RPS17: variants seen among roughly 807,000 people sequenced by gnomAD.
The protein encoded by RPS17 is ribosomal protein S17.
For missense variants in RPS17, 68 were observed against 182.3 expected, an observed-to-expected ratio of 0.37 and a Z score of 3.61; for synonymous variants, 75 against 65.6, an observed-to-expected ratio of 1.14 and a Z score of -0.70.
chr15:82,540,416 A>C lies in RPS17; in HGVS notation c.3+10T>G. 6.3e-7 allele frequency: 1 copy of C among 1,596,290 alleles called. No individual in the cohort carries two copies. The highest frequency in any genetic ancestry group is 8.5e-7 in the Non-Finnish European group (1 of 1,172,682). ...TGTGGAGGATGGCGGCCTCGAGCCA[A>C]AACACCTACCATGTTGGCGGGTCCT... On this transcript the variant is annotated intron_variant, in intron 1 of 4. Transcript: ENST00000647841.
chr15:82,539,336 C>T, intron 2 of RPS17: 1 of 486,322 alleles, frequency 2.1e-6, no homozygotes, highest in Non-Finnish European at 4.0e-6. Flanking sequence ...ACTATTCTTC[C>T]AGGCCATATG....
chr15:82,540,249 C>T, intron 1 of RPS17, 117 bp from the exon 2 acceptor site: 1 of 1,606,016 alleles, frequency 6.2e-7, no homozygotes, highest in Non-Finnish European at 8.5e-7. Context: ...CCGGAGAGGG[C>T]CCGGCTAAAC....
intron 2 of RPS17, 198 bp downstream of exon 2, chr15:82,539,783 G>A (rs1445804875): frequency 3.2e-6 from 3 of 937,512 alleles, no homozygotes; most frequent in Non-Finnish European, 5.1e-6. Context: ...TTCGACCCAG[G>A]GTCACCGCGG....
At chr15:82,539,701 A>T in intron 2 of RPS17, 1 of 578,092 alleles carries the variant, frequency 1.7e-6, no homozygotes, top group Non-Finnish European at 3.1e-6. Context: ...AAAAAAAAGA[A>T]AAAAAAGAAA....
chr15:82,538,895 G>A lies in RPS17; in HGVS notation c.246C>T (p.Asp82=). Residue 82 remains aspartate, a synonymous_variant, in exon 3 of 5, where the codon GAC becomes GAT. Transcript: ENST00000647841. ...GAAAGTTTACCTCAGGAACATAATT[G>A]TCTCTCCTTTCTCTCTCCTCCTCCT... is the stretch of plus-strand genomic sequence containing the variant. ...KLQEEERERR[D]NYVPEVSALD... The A allele has an allele frequency of 6.2e-7, 1 of 1,613,900 alleles. No individual in the cohort carries two copies. Among genetic ancestry groups the A allele is most frequent in the Non-Finnish European group, 8.5e-7 (1 of 1,179,860 alleles).
At chr15:82,539,095 AGAAG>A (rs2034293630) in intron 2 of RPS17, 110 bp from the exon 3 acceptor site, 9 of 1,096,170 alleles carry the variant, frequency 8.2e-6, no homozygotes, top group South Asian at 3.7e-5. Flanking sequence ...TTCCACAGTG[AGAAG>A]GAAGAGGACT....
At chr15:82,540,208 G>C in intron 1 of RPS17, 76 bp from the exon 2 acceptor site, 14 of 1,612,096 alleles carry the variant, frequency 8.7e-6, no homozygotes, top group Non-Finnish European at 1.2e-5. Context: ...AGCCCCGGCC[G>C]GTGTGGTTGG....
At chr15:82,540,248 G>C (rs2034325156) in intron 1 of RPS17, 116 bp from the exon 2 acceptor site, 17 of 1,606,330 alleles carry the variant, frequency 1.1e-5, no homozygotes, top group Admixed American at 1.7e-5. Flanking sequence ...GCCGGAGAGG[G>C]CCCGGCTAAA....
intron 2 of RPS17, chr15:82,539,364 C>G (rs1041564389): frequency 8.5e-6 from 4 of 469,428 alleles, no homozygotes; most frequent in African/African-American, 5.9e-5. Flanking sequence ...ATCTCTCGAA[C>G]AGTAACTGCA....
chr15:82,540,118 G>T lies in RPS17; in HGVS notation c.18C>A (p.Thr6=). ...CCCGGGCCGCCTTCTTCACGGTTTTGGTGCGAACGCGGCCCTGCGGGTGGA... is the reference window on the plus strand; with the variant it reads ...CCCGGGCCGCCTTCTTCACGGTTTTTGTGCGAACGCGGCCCTGCGGGTGGA... MGRVR[T]KTVKKAARVI... Residue 6 remains threonine, a synonymous_variant, in exon 2 of 5, where the codon ACC becomes ACA. Transcript: ENST00000647841. The T allele has an allele frequency of 6.2e-7, 1 of 1,613,686 alleles. No individual in the cohort carries two copies. The highest frequency in any genetic ancestry group is 1.7e-5 in the Admixed American group (1 of 60,026).
intron 2 of RPS17, 69 bp from the exon 3 acceptor site, chr15:82,539,054 T>C (rs923164157): frequency 3.4e-6 from 5 of 1,470,304 alleles, no homozygotes; most frequent in East Asian, 2.3e-5. Context: ...ACTGAGCACA[T>C]GTGCATATAT....
chr15:82,536,963 G>A (rs949297620), intron 4 of RPS17, 82 bp from the exon 5 acceptor site: 21 of 1,543,972 alleles, frequency 1.4e-5, no homozygotes, highest in Admixed American at 3.3e-5. Context: ...GGCCCCTAGA[G>A]CCACAGCACT....
intron 3 of RPS17, 154 bp from the exon 4 acceptor site, chr15:82,538,525 AC>A (rs2034279896): frequency 2.4e-6 from 2 of 835,796 alleles, no homozygotes; most frequent in Admixed American, 2.0e-5. Flanking sequence ...AGTATTACAG[AC>A]CCCGATGACC....
In RPS17 at chr15:82,536,969, G is replaced by C. The variant is rs1231646603; in HGVS notation, c.328-88C>G. On this transcript the variant is annotated intron_variant, in intron 4 of 4. Coordinates refer to ENST00000647841, the MANE Select transcript of RPS17 (RefSeq NM_001021.6). Reference sequence around the variant, plus strand: ...GAAAACACAGGCCCCTAGAGCCACAGCACTCTCAAGGGGGTCCAGAGGCGA... The same window carrying C: ...GAAAACACAGGCCCCTAGAGCCACACCACTCTCAAGGGGGTCCAGAGGCGA... The C allele has an allele frequency of 4.0e-6, 6 of 1,517,010 alleles. No individual in the cohort carries two copies. In the African/African-American group the frequency reaches 8.2e-5, roughly 21 times the overall value. The allele number at this position is 1,517,010 out of a possible 1,614,324, so 94.0% of individuals were successfully genotyped here.
chr15:82,538,742 G>C (rs1265728729), intron 3 of RPS17, 138 bp downstream of exon 3: 4 of 886,974 alleles, frequency 4.5e-6, no homozygotes, highest in Non-Finnish European at 5.7e-6. Flanking sequence ...CTGGTAGGGG[G>C]CCTATGGGCA....
intron 2 of RPS17, chr15:82,539,477 C>G: frequency 2.2e-6 from 1 of 458,632 alleles, no homozygotes; most frequent in East Asian, 6.9e-5. Flanking sequence ...CGCTTGAGGT[C>G]AGGTGTTCGA....
At chr15:82,538,272 A>G in intron 4 of RPS17, 34 bp downstream of exon 4, 1 of 1,612,220 alleles carries the variant, frequency 6.2e-7, no homozygotes. Flanking sequence ...TTTGACCAGG[A>G]AAATACCACT....
chr15:82,537,626 T>A (rs2034263886), intron 4 of RPS17: 1 of 348,950 alleles, frequency 2.9e-6, no homozygotes, highest in Non-Finnish European at 5.6e-6. Flanking sequence ...AATGCTGCAT[T>A]CAGCGCAGTG....
intron 4 of RPS17, 122 bp downstream of exon 4, chr15:82,538,184 G>C: frequency 9.4e-7 from 1 of 1,067,130 alleles, no homozygotes; most frequent in African/African-American, 1.6e-5. Context: ...CAGTTTAGTG[G>C]CTACAAGTTT....
Sources: allele counts gnomAD v4.1 joint callset, GRCh38; gene constraint gnomAD v4.1.1; transcripts MANE v1.5; gene names NCBI Gene and HGNC (gene_info 2026-07-23, HGNC 2026-07-21).